C12orf42: variants seen among roughly 807,000 people sequenced by gnomAD.
C12orf42 encodes chromosome 12 open reading frame 42, also known as uncharacterized protein C12orf42.
A neutral mutation model predicts 21.6 loss-of-function variants in C12orf42; 25 were observed. That is an observed-to-expected ratio of 1.16 (90% CI 0.84 to 1.62). The LOEUF (loss-of-function observed/expected upper bound fraction) is 1.62. Among genes scored for constraint, C12orf42 ranks in the 40% most tolerant of loss-of-function variants. The pLI is 0.00. For missense variants in C12orf42, 483 were observed against 459.3 expected (o/e 1.05, Z -0.47); for synonymous variants, 174 against 175.0 (o/e 0.99, Z 0.05).
intron 2 of C12orf42, among the ~76,000 whole-genome samples, chr12:103,429,750 T>C (rs186532410): frequency 3.4e-4 from 52 of 152,278 alleles, no homozygotes; most frequent in African/African-American, 1.2e-3. Context: ...CAAAACAGCA[T>C]AGTACTGGTA....
the C12orf42 span, among the ~76,000 whole-genome samples, chr12:103,534,941 T>C: frequency 8.5e-5 from 13 of 152,340 alleles, no homozygotes; most frequent in Admixed American, 7.8e-4. Context: ...AAGCTCGGGA[T>C]TCCTTTCCTG....
intron 2 of C12orf42, among the ~76,000 whole-genome samples, chr12:103,442,936 G>T (rs776342566): frequency 7.2e-5 from 11 of 151,996 alleles, no homozygotes; most frequent in Non-Finnish European, 1.3e-4. Context: ...TAGACACTAG[G>T]TTTTGCCCTA....
chr12:103,320,067 G>A (rs1029801448), intron 4 of C12orf42, among the ~76,000 whole-genome samples: 12 of 152,046 alleles, frequency 7.9e-5, no homozygotes, highest in South Asian at 4.2e-4. Flanking sequence ...GAAAGAAAAC[G>A]TTATAAGTTC....
At chr12:103,160,792 G>A in the C12orf42 span, among the ~76,000 whole-genome samples, 1 of 152,164 alleles carries the variant, frequency 6.6e-6, no homozygotes, top group African/African-American at 2.4e-5. Context: ...CCCTGGATGA[G>A]GCAGGCTATC....
At chr12:103,111,694 C>T in the C12orf42 span, among the ~76,000 whole-genome samples, 6 of 152,052 alleles carry the variant, frequency 3.9e-5, no homozygotes, top group Non-Finnish European at 2.9e-5. Flanking sequence ...TTTTGTTATC[C>T]GGTGGTCTCT....
At chr12:103,510,913 C>T in the C12orf42 span, among the ~76,000 whole-genome samples, 1 of 152,218 alleles carries the variant, frequency 6.6e-6, no homozygotes, top group Non-Finnish European at 1.5e-5. Flanking sequence ...CCATCATCTA[C>T]TAAGAGACTG....
At chr12:103,289,458 C>T (rs771864663) in intron 4 of C12orf42, among the ~76,000 whole-genome samples, 1 of 152,002 alleles carries the variant, frequency 6.6e-6, no homozygotes, top group Non-Finnish European at 1.5e-5. Context: ...TAGGAATTCA[C>T]ATTATAAAAA....
intron 4 of C12orf42, among the ~76,000 whole-genome samples, chr12:103,294,890 T>C (rs1205443486): frequency 1.3e-5 from 2 of 152,120 alleles, no homozygotes; most frequent in Non-Finnish European, 2.9e-5. Flanking sequence ...ATTAGTTATT[T>C]TTCCTGATCC....
intron 2 of C12orf42, among the ~76,000 whole-genome samples, chr12:103,452,047 T>C (rs1382550070): frequency 6.6e-6 from 1 of 151,978 alleles, no homozygotes; most frequent in Non-Finnish European, 1.5e-5. Flanking sequence ...AGAATTTCTG[T>C]TGATTTAGGC....
the C12orf42 span, among the ~76,000 whole-genome samples, chr12:103,162,465 G>C: frequency 5.3e-5 from 8 of 152,020 alleles, no homozygotes; most frequent in Non-Finnish European, 8.8e-5. Flanking sequence ...AGCACCTTCA[G>C]TTACAACTGT....
At chr12:103,062,444 G>A in the C12orf42 span, among the ~76,000 whole-genome samples, 16 of 151,642 alleles carry the variant, frequency 1.1e-4, no homozygotes, top group African/African-American at 3.1e-4. Flanking sequence ...TTATCTTTTA[G>A]CATTTTGAAG....
At chr12:103,544,936 A>G in the C12orf42 span, among the ~76,000 whole-genome samples, 1 of 152,242 alleles carries the variant, frequency 6.6e-6, no homozygotes, top group East Asian at 1.9e-4. Context: ...GGTTCCCAGC[A>G]CTATCTCAGG....
intron 2 of C12orf42, among the ~76,000 whole-genome samples, chr12:103,435,839 C>A (rs1950656091): frequency 1.3e-5 from 2 of 151,982 alleles, no homozygotes; most frequent in South Asian, 4.2e-4. Flanking sequence ...AGGATATTAT[C>A]CAGGAGAACT....
chr12:103,241,749 GGA>G (rs1425539393), intron 10 of C12orf42, among the ~76,000 whole-genome samples: 1 of 152,068 alleles, frequency 6.6e-6, no homozygotes, highest in Admixed American at 6.6e-5. Context: ...AGGCATTGTG[GGA>G]GAGACAGAGG....
At chr12:103,511,033 G>T in the C12orf42 span, among the ~76,000 whole-genome samples, 1 of 152,198 alleles carries the variant, frequency 6.6e-6, no homozygotes, top group Non-Finnish European at 1.5e-5. Flanking sequence ...AGTGGACAGG[G>T]TTGACCATTC....
At chr12:103,153,649 A>G in the C12orf42 span, among the ~76,000 whole-genome samples, 2 of 152,156 alleles carry the variant, frequency 1.3e-5, no homozygotes, top group Non-Finnish European at 2.9e-5. Flanking sequence ...CAAAATAAAA[A>G]AGACAGACCA....
intron 4 of C12orf42, among the ~76,000 whole-genome samples, chr12:103,278,147 A>T (rs1184165394): frequency 6.6e-6 from 1 of 152,286 alleles, no homozygotes; most frequent in East Asian, 1.9e-4. Flanking sequence ...CAAAAATGAA[A>T]ACCTTAGAAA....
the C12orf42 span, among the ~76,000 whole-genome samples, chr12:103,076,834 T>A: frequency 7.9e-5 from 12 of 152,286 alleles, no homozygotes; most frequent in African/African-American, 2.6e-4. Context: ...TTATTATGTA[T>A]CTCTTCTAGA....
intron 4 of C12orf42, among the ~76,000 whole-genome samples, chr12:103,321,168 G>T (rs1321925581): frequency 6.6e-6 from 1 of 151,386 alleles, no homozygotes; most frequent in East Asian, 1.9e-4. Context: ...AAATTTACAA[G>T]AAAAAAACAA....
Sources: gnomAD v4.1 joint callset for allele counts (sites outside exome capture counted in the v4.1 genomes callset) on GRCh38, gnomAD v4.1.1 for gene constraint, MANE v1.5 for transcripts, NCBI Gene and HGNC (gene_info 2026-07-23, HGNC 2026-07-21) for gene names.